SLC2A7: variants seen among roughly 807,000 people sequenced by gnomAD.
SLC2A7 encodes solute carrier family 2, facilitated glucose transporter member 7.
In SLC2A7, 50 loss-of-function variants were observed where a neutral mutation model predicts 50.5. The ratio of observed to expected loss-of-function variants is 0.99; its 90% CI spans 0.79 to 1.25. SLC2A7 has a LOEUF of 1.25. Among genes scored for constraint, SLC2A7 ranks in the 50% most tolerant of loss-of-function variants. SLC2A7 has a pLI of 0.00. For synonymous variants in SLC2A7, 308 were observed against 300.4 expected (o/e 1.03, Z -0.26); for missense variants, 683 against 679.1 (o/e 1.01, Z -0.06).
chr1:8,997,413 T>A, the SLC2A7 span, among the ~76,000 whole-genome samples: 7 of 152,206 alleles, frequency 4.6e-5, no homozygotes, highest in East Asian at 1.9e-4. Context: ...TTATTTATTT[T>A]TTTTGAGAAG....
intron 8 of SLC2A7, among the ~76,000 whole-genome samples, chr1:9,013,317 G>A (rs1440499199): frequency 2.6e-5 from 4 of 152,136 alleles, no homozygotes; most frequent in Admixed American, 6.5e-5. Context: ...AGTGTGAGCC[G>A]CCGCGCCCGG....
intron 8 of SLC2A7, among the ~76,000 whole-genome samples, chr1:9,012,229 T>C (rs528790848): frequency 3.7e-4 from 56 of 152,342 alleles, no homozygotes; most frequent in Admixed American, 3.6e-3. Context: ...AGGGAAATAC[T>C]GTCAATTTCC....
Position 9,004,755 on chromosome 1 carries a change from G to C in SLC2A7, c.1317C>G (p.Ile439Met), listed in dbSNP as rs116662431. The C allele has an allele frequency of 3.4e-3, 5,486 of 1,614,056 alleles. 16 individuals carry two copies. The highest frequency in any genetic ancestry group is 4.3e-3 in the Non-Finnish European group (5,026 of 1,179,932). Residue 439 changes from isoleucine to methionine, a missense_variant, in exon 11 of 12, where the codon ATC becomes ATG. Ile to Met is a conservative substitution (Grantham distance 10, BLOSUM62 1). Coordinates refer to ENST00000400906, the MANE Select transcript of SLC2A7 (RefSeq NM_207420.3). ...TGGGGAAGGGGCCCTCACTCACCTG[G>C]ATGGATGGGAACAGGAAGCCTATGA... is the stretch of plus-strand genomic sequence containing the variant. Reference protein sequence around the residue: ...NFIIGFLFPSIQEAIGAYSFI... With the variant: ...NFIIGFLFPSMQEAIGAYSFI...
intron 8 of SLC2A7, among the ~76,000 whole-genome samples, chr1:9,011,462 G>A (rs556768266): frequency 2.6e-5 from 4 of 152,046 alleles, no homozygotes; most frequent in African/African-American, 9.6e-5. Flanking sequence ...GAAACCAGCC[G>A]GGTCAACATA....
chr1:9,004,725 C>A (rs200454299), intron 11 of SLC2A7, 27 bp downstream of exon 11: 201 of 1,612,328 alleles, frequency 1.2e-4, no homozygotes, highest in Non-Finnish European at 1.6e-4. Flanking sequence ...CCCGGTGGAG[C>A]GGGTTGGGGA....
rs938336132 is a variant in SLC2A7 at position 9,008,173 on chromosome 1, T to A, written c.1117-788A>T. Reference sequence around the variant, plus strand: ...ACGGACTTCAGCCAAACTAACCGGGTGCCCCCAGATGAACTTCCCAGGGAA... The same window carrying A: ...ACGGACTTCAGCCAAACTAACCGGGAGCCCCCAGATGAACTTCCCAGGGAA... On this transcript the variant is annotated intron_variant, in intron 9 of 11. Coordinates refer to ENST00000400906, the MANE Select transcript of SLC2A7 (RefSeq NM_207420.3). The surrounding 1 kb of genome is among the most constrained non-coding windows in gnomAD (Gnocchi z 5.9). Among the ~76,000 whole-genome samples, 10 of 151,952 alleles carry A rather than the reference T, an allele frequency of 6.6e-5. No individual in the cohort carries two copies. Among genetic ancestry groups the A allele is most frequent in the African/African-American group, 2.4e-4 (10 of 41,360 alleles).
chr1:9,019,465 G>A, intron 3 of SLC2A7, 132 bp from the exon 4 acceptor site: 8 of 1,312,214 alleles, frequency 6.1e-6, no homozygotes, highest in South Asian at 4.4e-5. Context: ...TGAAGCAGGG[G>A]GCCGTGGACT....
At chr1:9,010,329 C>T in intron 8 of SLC2A7, 85 bp from the exon 9 acceptor site, 1 of 1,019,464 alleles carries the variant, frequency 9.8e-7, no homozygotes, top group Non-Finnish European at 1.5e-6. Flanking sequence ...TTTTGTGGGC[C>T]CCTCTTAGGT....
At chr1:8,998,278 G>A (rs569964105), downstream of SLC2A7, among the ~76,000 whole-genome samples, 5 of 152,148 alleles carry the variant, frequency 3.3e-5, no homozygotes, top group African/African-American at 7.2e-5. Flanking sequence ...GGTGGCGGGC[G>A]CCTGCAATCC....
intron 5 of SLC2A7, 121 bp downstream of exon 5, chr1:9,018,102 A>C: frequency 1.5e-6 from 2 of 1,362,034 alleles, no homozygotes; most frequent in Non-Finnish European, 2.0e-6. Flanking sequence ...TGCCCACCAC[A>C]CTGCCCAACA....
chr1:9,006,911 G>A (rs1171657802), intron 10 of SLC2A7, among the ~76,000 whole-genome samples: 1 of 152,204 alleles, frequency 6.6e-6, no homozygotes, highest in Non-Finnish European at 1.5e-5. Flanking sequence ...CAGTCAGCGG[G>A]GATAGAAGGC....
intron 3 of SLC2A7, among the ~76,000 whole-genome samples, chr1:9,019,722 G>A (rs764279846): frequency 1.4e-4 from 21 of 152,154 alleles, no homozygotes; most frequent in Non-Finnish European, 1.9e-4. Flanking sequence ...TCTGGAGTTC[G>A]AGACCAGCCT....
downstream of SLC2A7, among the ~76,000 whole-genome samples, chr1:9,002,130 C>T (rs1640583403): frequency 6.6e-6 from 1 of 152,146 alleles, no homozygotes; most frequent in South Asian, 2.1e-4. Flanking sequence ...CCACAGGGAC[C>T]TCTGCCCAAG....
rs903803286 is a variant in SLC2A7, at chr1:9,022,831, C to T, written c.311+87G>A. The stretch of plus-strand genomic sequence containing the variant: ...AGATCTCCTGATTTTCAGGGTCACA[C>T]GTCTCCCCACCAGGTGCACAAATGC... On this transcript the variant is annotated intron_variant, in intron 3 of 11. Transcript: ENST00000400906. 3.1e-5 allele frequency: 47 copies of T among 1,528,638 alleles called. No individual in the cohort carries two copies. The Admixed American group carries it at 6.6e-4, about 21-fold the overall frequency. The allele number at this position is 1,528,638 out of a possible 1,614,324, so 94.7% of individuals were successfully genotyped here.
intron 10 of SLC2A7, among the ~76,000 whole-genome samples, chr1:9,006,131 C>T (rs931132644): frequency 6.6e-6 from 1 of 152,248 alleles, no homozygotes; most frequent in Non-Finnish European, 1.5e-5. Flanking sequence ...AGGTGACACA[C>T]AGGCAGTGGG....
chr1:9,007,463 T>C, intron 9 of SLC2A7, 78 bp from the exon 10 acceptor site: 1 of 1,371,818 alleles, frequency 7.3e-7, no homozygotes, highest in Non-Finnish European at 1.0e-6. Flanking sequence ...GGTCCCACCT[T>C]CCTGCCCCAG....
chr1:9,009,341 C>G (rs1270124166), intron 9 of SLC2A7, among the ~76,000 whole-genome samples: 2 of 152,230 alleles, frequency 1.3e-5, no homozygotes, highest in Non-Finnish European at 2.9e-5. Flanking sequence ...ATTTTCATCA[C>G]TTCCGTAGAA....
intron 1 of SLC2A7, among the ~76,000 whole-genome samples, chr1:9,025,823 C>T (rs1486175561): frequency 6.6e-6 from 1 of 152,168 alleles, no homozygotes; most frequent in Non-Finnish European, 1.5e-5. Flanking sequence ...GTCCTAGAGC[C>T]AAGGCCCTGG....
chr1:9,019,025 A>G (rs929250119), intron 4 of SLC2A7, among the ~76,000 whole-genome samples, 184 bp downstream of exon 4: 1 of 152,064 alleles, frequency 6.6e-6, no homozygotes, highest in African/African-American at 2.4e-5. Context: ...CTAAAAAAAG[A>G]TTAACTAATT....
Sources: gnomAD v4.1 joint callset for allele counts (sites outside exome capture counted in the v4.1 genomes callset) on GRCh38, gnomAD v4.1.1 for gene constraint, Gnocchi (gnomAD v3.1) non-coding constraint, MANE v1.5 for transcripts, NCBI Gene and HGNC (gene_info 2026-07-23, HGNC 2026-07-21) for gene names.